Variants in LCORL observed in about 807,000 individuals in gnomAD.
LCORL encodes the protein ligand-dependent nuclear receptor corepressor-like protein.
In LCORL, 41 loss-of-function variants were observed where a neutral mutation model predicts 141.8. The ratio of observed to expected loss-of-function variants is 0.29; its 90% CI spans 0.23 to 0.38. LCORL has a LOEUF of 0.38. Among genes scored for constraint, LCORL ranks in the 10% least tolerant of loss-of-function variants. LCORL has a pLI of 1.00. For missense variants in LCORL, 1,759 were observed against 2,035.0 expected (o/e 0.86, Z 2.61); for synonymous variants, 618 against 694.1 (o/e 0.89, Z 1.72).
chr4:17,998,406 G>C (rs1324856033), intron 1 of LCORL, among the ~76,000 whole-genome samples: 1 of 151,644 alleles, frequency 6.6e-6, no homozygotes, highest in East Asian at 1.9e-4. Context: ...TTTATTGATA[G>C]TCTTATTCTA....
In LCORL at chr4:18,021,534, A is replaced by G; in HGVS notation, c.154+64T>C. On this transcript the variant is annotated intron_variant, in intron 1 of 7. Coordinates refer to ENST00000635767, the Ensembl canonical transcript of LCORL. The surrounding 1 kb of genome is among the most constrained non-coding windows in gnomAD (Gnocchi z 5.5). ...ATTCAACTAAACCCCTCAGCCACAAACTCCTCGGGCTGCGACAGCGGTCGC... is the reference window on the plus strand; with the variant it reads ...ATTCAACTAAACCCCTCAGCCACAAGCTCCTCGGGCTGCGACAGCGGTCGC... 7.1e-7 allele frequency: 1 copy of G among 1,415,542 alleles called. No homozygotes were observed. Among genetic ancestry groups the G allele is most frequent in the Non-Finnish European group, 9.4e-7 (1 of 1,058,494 alleles). 87.7% of individuals were successfully genotyped at this position (1,415,542 alleles called of 1,614,324 possible).
At position 17,899,220 on chromosome 4, in the gene LCORL, CTG is replaced by C. The variant is rs151220641; in HGVS notation, c.682+9872_682+9873del. Among the ~76,000 whole-genome samples the C allele has an allele frequency of 7.5e-3, 1,148 of 152,250 alleles. 10 individuals are homozygous for C. Among genetic ancestry groups the C allele is most frequent in the African/African-American group, 0.026 (1,082 of 41,544 alleles). ...GCAAACATTTTTTCACAGACTGCCA[CTG>C]TCTTTTGATTTTTCTAATACTGCTT... On this transcript the variant is annotated intron_variant, in intron 5 of 7. Transcript: ENST00000635767.
intron 7 of LCORL, among the ~76,000 whole-genome samples, chr4:17,867,326 A>C (rs1321266596): frequency 6.6e-6 from 1 of 152,176 alleles, no homozygotes; most frequent in Non-Finnish European, 1.5e-5. Context: ...CAGAGTCGGC[A>C]AACTTTTCTG....
rs1371458099 is a variant in LCORL at position 17,884,068 on chromosome 4, C to A, written c.776+2000G>T. ...CTGTTCCATTTTTAGAATTAAGACA[C>A]AAAGGAGAGAGGTCCCCATGTAGAA... On this transcript the variant is annotated intron_variant, in intron 6 of 7. Transcript: ENST00000635767. The surrounding 1 kb of genome is among the most constrained non-coding windows in gnomAD (Gnocchi z 4.4). 3 of 1,550,478 alleles carry A rather than the reference C, an allele frequency of 1.9e-6. No homozygotes were observed. The highest frequency in any genetic ancestry group is 1.2e-5 in the South Asian group (1 of 84,036).
intron 4 of LCORL, among the ~76,000 whole-genome samples, chr4:17,930,692 T>C (rs151046260): frequency 1.7e-3 from 265 of 152,344 alleles, no homozygotes; most frequent in African/African-American, 6.0e-3. Context: ...AGGATTACGT[T>C]TGACGCTTTT....
At chr4:17,936,900 A>G (rs1256985588) in intron 4 of LCORL, among the ~76,000 whole-genome samples, 1 of 152,194 alleles carries the variant, frequency 6.6e-6, no homozygotes, top group East Asian at 1.9e-4. Context: ...AATCACCACC[A>G]GCAGTAACAT....
chr4:17,879,079 T>C lies in LCORL; in HGVS notation c.777-866A>G, dbSNP rs534258002. ...CATGAAAATTGCCTTTCACTTACAGTTTATTACATTTGTTGTTTTTAATAG... is the reference window on the plus strand; with the variant it reads ...CATGAAAATTGCCTTTCACTTACAGCTTATTACATTTGTTGTTTTTAATAG... On this transcript the variant is annotated intron_variant, in intron 6 of 7. Coordinates refer to ENST00000635767, the Ensembl canonical transcript of LCORL. 4.0e-5 allele frequency among the ~76,000 whole-genome samples: 6 copies of C among 151,306 alleles called. No individual in the cohort carries two copies. In the South Asian group the frequency reaches 8.3e-4, roughly 21 times the overall value.
chr4:17,887,421 A>T (rs1213183142), intron 5 of LCORL, among the ~76,000 whole-genome samples: 1 of 152,136 alleles, frequency 6.6e-6, no homozygotes, highest in Non-Finnish European at 1.5e-5. Context: ...ACACAGTGTT[A>T]TCAGTGCAGG....
chr4:17,994,622 C>T (rs1720596563), intron 1 of LCORL, among the ~76,000 whole-genome samples: 1 of 152,108 alleles, frequency 6.6e-6, no homozygotes, highest in Non-Finnish European at 1.5e-5. Flanking sequence ...CACAACTCTA[C>T]TTCATCACCT....
intron 4 of LCORL, among the ~76,000 whole-genome samples, chr4:17,923,233 C>A (rs1483942392): frequency 6.6e-6 from 1 of 152,212 alleles, no homozygotes; most frequent in Non-Finnish European, 1.5e-5. Flanking sequence ...AAAGTTGGAT[C>A]AGGCTGAATT....
chr4:17,926,388 T>C (rs1735153143), intron 4 of LCORL, among the ~76,000 whole-genome samples: 1 of 152,226 alleles, frequency 6.6e-6, no homozygotes, highest in Non-Finnish European at 1.5e-5. Context: ...TTAGTCTGGC[T>C]AAGTCTTCTC....
At chr4:17,987,388 T>A (rs1719164998) in intron 1 of LCORL, among the ~76,000 whole-genome samples, 1 of 152,220 alleles carries the variant, frequency 6.6e-6, no homozygotes, top group South Asian at 2.1e-4. Flanking sequence ...CATACATCAG[T>A]ACTCCAATTC....
chr4:17,971,670 C>T (rs76828425), intron 2 of LCORL, among the ~76,000 whole-genome samples: 2,783 of 151,332 alleles, frequency 0.018, 84 homozygotes, highest in East Asian at 0.13. Context: ...TGCATTAATA[C>T]ACAAAAAATC....
At chr4:17,917,151 T>G (rs1733571976) in intron 4 of LCORL, among the ~76,000 whole-genome samples, 1 of 151,996 alleles carries the variant, frequency 6.6e-6, no homozygotes, top group Admixed American at 6.6e-5. Flanking sequence ...ACTTTTGTAT[T>G]TTTAGTAGAC....
chr4:17,861,683 G>A (rs949846415), intron 7 of LCORL, among the ~76,000 whole-genome samples: 9 of 152,100 alleles, frequency 5.9e-5, no homozygotes, highest in African/African-American at 1.2e-4. Flanking sequence ...CAAATTTTCC[G>A]AACTTTTATG....
chr4:18,002,380 G>C (rs1029948130), intron 1 of LCORL, among the ~76,000 whole-genome samples: 14 of 151,658 alleles, frequency 9.2e-5, no homozygotes, highest in Non-Finnish European at 1.6e-4. Context: ...GCTCTCACCA[G>C]CACCACTCCC....
At chr4:17,940,563 G>A (rs1041865641) in intron 4 of LCORL, among the ~76,000 whole-genome samples, 1 of 120,208 alleles carries the variant, frequency 8.3e-6, no homozygotes, top group Admixed American at 8.7e-5. Context: ...CTAGTAGTAA[G>A]TCCAATGTCT....
At chr4:17,904,479 C>T (rs1486066263) in intron 5 of LCORL, among the ~76,000 whole-genome samples, 1 of 151,944 alleles carries the variant, frequency 6.6e-6, no homozygotes, top group Admixed American at 6.6e-5. Context: ...GAACTTCTTC[C>T]CTACTTTGAA....
chr4:17,843,729 T>C (rs1722654132), exon 8 of LCORL: 2 of 181,924 alleles, frequency 1.1e-5, no homozygotes, highest in Non-Finnish European at 1.2e-5. Context: ...AATCATGTCA[T>C]TATGGAAAAC....
Sources: allele counts gnomAD v4.1 joint callset (sites outside exome capture counted in the v4.1 genomes callset), GRCh38; gene constraint gnomAD v4.1.1; non-coding constraint Gnocchi (gnomAD v3.1); transcripts MANE v1.5; gene names NCBI Gene and HGNC (gene_info 2026-07-23, HGNC 2026-07-21).